The following AVEN variants were observed in gnomAD, a reference collection of about 807,000 sequenced individuals.
AVEN encodes the protein apoptosis and caspase activation inhibitor, also known as cell death regulator Aven.
A neutral mutation model predicts 38.1 loss-of-function variants in AVEN; 41 were observed. The ratio of observed to expected loss-of-function variants is 1.08; its 90% CI spans 0.84 to 1.40. AVEN has a LOEUF of 1.40. AVEN is among the 40% of genes most tolerant of loss of function. The probability of loss-of-function intolerance (pLI) is 0.00; values close to 1 mark genes in which losing one functional copy is unlikely to be tolerated. For synonymous variants in AVEN, 206 were observed against 171.8 expected (o/e 1.20, Z -1.56); for missense variants, 605 against 438.8 (o/e 1.38, Z -3.38).
At chr15:33,854,979 A>T, downstream of AVEN, 1 of 1,440,882 alleles carries the variant, frequency 6.9e-7, no homozygotes. Flanking sequence ...AACAGCAGGT[A>T]GTATACAGTA....
At chr15:33,999,044 T>A (rs1457420084) in intron 2 of AVEN, among the ~76,000 whole-genome samples, 1 of 152,238 alleles carries the variant, frequency 6.6e-6, no homozygotes, top group Non-Finnish European at 1.5e-5. Flanking sequence ...GTCTCTTCCA[T>A]GTGCCAATGC....
intron 4 of AVEN, chr15:34,064,330 C>G (rs1173030520): frequency 6.2e-7 from 1 of 1,600,142 alleles, no homozygotes; most frequent in East Asian, 2.2e-5. Flanking sequence ...GTCAACAACT[C>G]CTCTCGAAAG....
downstream of AVEN, among the ~76,000 whole-genome samples, chr15:33,857,040 C>G (rs2079752308): frequency 6.6e-6 from 1 of 152,152 alleles, no homozygotes; most frequent in African/African-American, 2.4e-5. Context: ...TGAACAATAA[C>G]AAAACACAAT....
At chr15:33,857,899 C>T (rs374117753), downstream of AVEN, 168 of 1,614,054 alleles carry the variant, frequency 1.0e-4, 1 homozygote, top group African/African-American at 5.3e-4. Context: ...ATATGAAGTG[C>T]GACGACATGA....
chr15:33,995,903 G>T (rs1280968311), intron 2 of AVEN, among the ~76,000 whole-genome samples: 1 of 152,210 alleles, frequency 6.6e-6, no homozygotes, highest in Admixed American at 6.5e-5. Flanking sequence ...AAGCGCAAGG[G>T]GTCAGGGGAT....
At chr15:33,863,394 A>G (rs889823605), downstream of AVEN, among the ~76,000 whole-genome samples, 3 of 152,208 alleles carry the variant, frequency 2.0e-5, no homozygotes, top group African/African-American at 7.2e-5. Context: ...CCACCATGAC[A>G]GAACTCAAGA....
intron 3 of AVEN, 48 bp downstream of exon 3, chr15:33,875,877 C>T: frequency 1.3e-6 from 2 of 1,525,230 alleles, no homozygotes; most frequent in Non-Finnish European, 9.1e-7. Context: ...TGTTAGCCTT[C>T]AGCCTTGAAG....
intron 2 of AVEN, among the ~76,000 whole-genome samples, chr15:33,962,013 A>G (rs1340421596): frequency 6.6e-6 from 1 of 152,064 alleles, no homozygotes; most frequent in Non-Finnish European, 1.5e-5. Flanking sequence ...TTATTCCTAG[A>G]GTGGCTATTT....
chr15:34,071,178 T>C (rs114926630), intron 1 of AVEN, among the ~76,000 whole-genome samples: 2,139 of 152,324 alleles, frequency 0.014, 60 homozygotes, highest in African/African-American at 0.048. Flanking sequence ...TGAATGGATC[T>C]TTAGTGGTGT....
At chr15:33,896,574 G>C (rs1208210338) in intron 2 of AVEN, among the ~76,000 whole-genome samples, 1 of 152,098 alleles carries the variant, frequency 6.6e-6, no homozygotes. Context: ...CAATATCCAT[G>C]GTCTAAGCAC....
downstream of AVEN, chr15:33,855,023 G>A (rs2079498987): frequency 1.7e-6 from 2 of 1,155,526 alleles, no homozygotes; most frequent in Non-Finnish European, 2.3e-6. Flanking sequence ...GGTATATAAT[G>A]TACTTTTCTT....
At chr15:33,871,636 G>A (rs1890955366) in intron 3 of AVEN, among the ~76,000 whole-genome samples, 1 of 152,112 alleles carries the variant, frequency 6.6e-6, no homozygotes, top group South Asian at 2.1e-4. Flanking sequence ...CAAGCTGAAA[G>A]AAAAGCAAGC....
At chr15:33,955,268 A>T (rs954513274) in intron 2 of AVEN, among the ~76,000 whole-genome samples, 8 of 151,632 alleles carry the variant, frequency 5.3e-5, no homozygotes, top group Non-Finnish European at 8.8e-5. Context: ...GTTGAATTTT[A>T]AAAAAAAATC....
At chr15:34,004,096 C>G (rs1897239938) in intron 1 of AVEN, among the ~76,000 whole-genome samples, 1 of 152,170 alleles carries the variant, frequency 6.6e-6, no homozygotes, top group African/African-American at 2.4e-5. Context: ...GTGTGAGCAA[C>G]TAGTTGTATA....
At chr15:34,036,870 G>A (rs1170172619) in intron 1 of AVEN, among the ~76,000 whole-genome samples, 2 of 152,172 alleles carry the variant, frequency 1.3e-5, no homozygotes, top group African/African-American at 4.8e-5. Flanking sequence ...AGCACCTTGG[G>A]AGGCCGAGGC....
chr15:33,878,101 A>G (rs558243069), intron 2 of AVEN, among the ~76,000 whole-genome samples: 2 of 152,274 alleles, frequency 1.3e-5, no homozygotes, highest in East Asian at 3.9e-4. Context: ...AAGACAAAAA[A>G]CTCAACAGTT....
At chr15:33,972,535 A>AG (rs1390705569) in intron 2 of AVEN, 5 of 152,274 alleles carry the variant, frequency 3.3e-5, no homozygotes, top group African/African-American at 9.7e-5. Context: ...AAACAAAAAC[A>AG]AAAACAAAAA....
downstream of AVEN, among the ~76,000 whole-genome samples, chr15:33,863,595 T>C (rs1889320127): frequency 6.6e-6 from 1 of 152,160 alleles, no homozygotes. Flanking sequence ...AACTCAAACC[T>C]AAGATATGGA....
chr15:34,033,227 T>G (rs984001286), intron 1 of AVEN, among the ~76,000 whole-genome samples: 2 of 152,154 alleles, frequency 1.3e-5, no homozygotes, highest in African/African-American at 4.8e-5. Flanking sequence ...ACTGCAAGGC[T>G]GGGCGCGGTG....
Sources: gnomAD v4.1 joint callset for allele counts (sites outside exome capture counted in the v4.1 genomes callset) on GRCh38, gnomAD v4.1.1 for gene constraint, MANE v1.5 for transcripts, NCBI Gene and HGNC (gene_info 2026-07-23, HGNC 2026-07-21) for gene names.